Variants in DPP10 observed in about 807,000 individuals in gnomAD.
The protein encoded by DPP10 is dipeptidyl peptidase like 10, also known as inactive dipeptidyl peptidase 10.
In DPP10, 33 loss-of-function variants were observed where a neutral mutation model predicts 120.9. The ratio of observed to expected loss-of-function variants is 0.27; its 90% CI spans 0.21 to 0.37. The LOEUF is 0.37. Ranked by LOEUF, DPP10 falls within the 10% of genes least tolerant of loss-of-function variation. The pLI is 1.00. For missense variants in DPP10, 816 were observed against 942.8 expected (o/e 0.87, Z 1.76); for synonymous variants, 337 against 326.1 (o/e 1.03, Z -0.36).
chr2:115,258,479 C>CAAA (rs59149975), intron 1 of DPP10, among the ~76,000 whole-genome samples: 9 of 104,778 alleles, frequency 8.6e-5, no homozygotes, highest in African/African-American at 3.1e-4. Context: ...TCCAAGTTGG[C>CAAA]AAAAAAAAAA....
chr2:115,342,675 A>G (rs2063509137), intron 2 of DPP10, among the ~76,000 whole-genome samples: 1 of 152,210 alleles, frequency 6.6e-6, no homozygotes, highest in Non-Finnish European at 1.5e-5. Context: ...TCAGACTGCC[A>G]GGCAAATGAT....
intron 1 of DPP10, among the ~76,000 whole-genome samples, chr2:114,715,922 A>C (rs1701318481): frequency 6.6e-6 from 1 of 152,098 alleles, no homozygotes; most frequent in South Asian, 2.1e-4. Context: ...GAGCAAAATT[A>C]AAAAACAACT....
intron 1 of DPP10, among the ~76,000 whole-genome samples, chr2:115,218,153 C>G (rs1167309874): frequency 6.6e-6 from 1 of 152,162 alleles, no homozygotes; most frequent in Non-Finnish European, 1.5e-5. Context: ...ATTCTCAATA[C>G]AGTTTCTTGA....
In DPP10 at chr2:114,854,799, G is replaced by C. The variant is rs571501399; in HGVS notation, c.60+411961G>C. ...TCATTTCTTTTATATTCTTTAATTT[G>C]TTATTGAAAATGAATCTATTCTTAT... is the stretch of plus-strand genomic sequence containing the variant. On this transcript the variant is annotated intron_variant, in intron 1 of 25. Coordinates refer to ENST00000410059, the MANE Select transcript of DPP10 (RefSeq NM_020868.6). Among the ~76,000 whole-genome samples, 23 of 152,252 alleles carry C rather than the reference G, an allele frequency of 1.5e-4. 1 individual carries two copies. The Middle Eastern group carries it at 0.017, about 113-fold the overall frequency.
At chr2:114,857,288 G>T (rs1284639310) in intron 1 of DPP10, among the ~76,000 whole-genome samples, 1 of 152,186 alleles carries the variant, frequency 6.6e-6, no homozygotes, top group East Asian at 1.9e-4. Flanking sequence ...ATGCACCTGG[G>T]TGTTTTATGA....
At chr2:114,930,613 A>G (rs115076744) in intron 1 of DPP10, among the ~76,000 whole-genome samples, 1,668 of 152,224 alleles carry the variant, frequency 0.011, 26 homozygotes, top group African/African-American at 0.038. Flanking sequence ...CATCACAACC[A>G]TTGTCTTAGT....
At chr2:115,281,012 G>A (rs1159494523) in intron 1 of DPP10, among the ~76,000 whole-genome samples, 1 of 152,098 alleles carries the variant, frequency 6.6e-6, no homozygotes, top group Non-Finnish European at 1.5e-5. Flanking sequence ...AAACAGTACT[G>A]TCTTTTCCAT....
At chr2:115,286,629 G>A (rs1310398727) in intron 1 of DPP10, among the ~76,000 whole-genome samples, 1 of 145,496 alleles carries the variant, frequency 6.9e-6, no homozygotes, top group East Asian at 2.0e-4. Flanking sequence ...TGAGATTGTG[G>A]GGTGTGTGTC....
At chr2:114,546,215 A>C (rs943377262) in intron 1 of DPP10, among the ~76,000 whole-genome samples, 1 of 152,198 alleles carries the variant, frequency 6.6e-6, no homozygotes, top group African/African-American at 2.4e-5. Flanking sequence ...TGCAGGAAGC[A>C]TGATGCTGGC....
intron 3 of DPP10, among the ~76,000 whole-genome samples, chr2:115,417,471 A>G (rs1391679284): frequency 6.6e-6 from 1 of 152,220 alleles, no homozygotes; most frequent in Non-Finnish European, 1.5e-5. Context: ...AATAAATGTT[A>G]TAATAACAAC....
At chr2:114,991,442 G>A (rs563461635) in intron 1 of DPP10, among the ~76,000 whole-genome samples, 2 of 152,258 alleles carry the variant, frequency 1.3e-5, no homozygotes, top group East Asian at 1.9e-4. Flanking sequence ...AGACACAAAA[G>A]GGTAATTCTC....
intron 2 of DPP10, among the ~76,000 whole-genome samples, chr2:115,337,353 G>C (rs1000567272): frequency 1.3e-5 from 2 of 151,956 alleles, no homozygotes; most frequent in Admixed American, 1.3e-4. Flanking sequence ...AAATATTTTT[G>C]TAAGATTGTA....
chr2:115,450,474 CG>C (rs2073020868), intron 3 of DPP10, among the ~76,000 whole-genome samples: 7 of 151,570 alleles, frequency 4.6e-5, no homozygotes, highest in Admixed American at 4.6e-4. Context: ...TTTTTTATTG[CG>C]AAACTTTGAT....
At chr2:115,551,370 G>C (rs2079861710) in intron 5 of DPP10, among the ~76,000 whole-genome samples, 1 of 152,126 alleles carries the variant, frequency 6.6e-6, no homozygotes. Context: ...AACTTCCCAA[G>C]ACTGGGCTGT....
At chr2:115,538,444 A>T (rs1395670286) in intron 5 of DPP10, among the ~76,000 whole-genome samples, 2 of 152,024 alleles carry the variant, frequency 1.3e-5, no homozygotes, top group African/African-American at 2.4e-5. Context: ...ATAAATAGAT[A>T]AAAGTATACT....
In DPP10 at chr2:114,533,208, G is replaced by C. The variant is rs1474900445; in HGVS notation, c.60+90370G>C. 4.6e-5 allele frequency among the ~76,000 whole-genome samples: 7 copies of C among 152,250 alleles called. No homozygotes were observed. The East Asian group carries it at 1.3e-3, about 29-fold the overall frequency. On this transcript the variant is annotated intron_variant, in intron 1 of 25. Coordinates refer to ENST00000410059, the MANE Select transcript of DPP10 (RefSeq NM_020868.6). ...TGGGGTGCATTGGTCCAAACTCTGG[G>C]TTGCCCTTGAATGGGGGGAACTCTG...
At chr2:115,808,132 C>T (rs781291081) in intron 19 of DPP10, among the ~76,000 whole-genome samples, 16 of 152,276 alleles carry the variant, frequency 1.1e-4, no homozygotes, top group African/African-American at 3.4e-4. Flanking sequence ...GAGAGATACA[C>T]GCTGAGCAGC....
At chr2:115,618,962 A>G (rs1441454268) in intron 5 of DPP10, among the ~76,000 whole-genome samples, 3 of 151,024 alleles carry the variant, frequency 2.0e-5, no homozygotes, top group African/African-American at 7.3e-5. Flanking sequence ...TCCTCCCTGT[A>G]GTGACTTCCT....
At chr2:115,190,912 A>C (rs7566462) in intron 1 of DPP10, among the ~76,000 whole-genome samples, 40,039 of 152,056 alleles carry the variant, frequency 0.26, 5,505 homozygotes, top group East Asian at 0.4. Context: ...TCAAATTTTT[A>C]ACCTCTACAG....
Sources: gnomAD v4.1 joint callset for allele counts (sites outside exome capture counted in the v4.1 genomes callset) on GRCh38, gnomAD v4.1.1 for gene constraint, MANE v1.5 for transcripts, NCBI Gene and HGNC (gene_info 2026-07-23, HGNC 2026-07-21) for gene names.